The following GNLY variants were observed in gnomAD, a reference collection of about 807,000 sequenced individuals.
The protein encoded by GNLY is T-cell activation protein 519.
A neutral mutation model predicts 18.5 loss-of-function variants in GNLY; 15 were observed. The observed-to-expected ratio is 0.81, with a 90% CI of 0.54 to 1.25. GNLY has a LOEUF of 1.25. Among genes scored for constraint, GNLY ranks in the 50% most tolerant of loss-of-function variants. The probability of loss-of-function intolerance (pLI) is 0.00; values close to 1 mark genes in which losing one functional copy is unlikely to be tolerated. For missense variants in GNLY, 178 were observed against 186.9 expected (o/e 0.95, Z 0.28); for synonymous variants, 77 against 74.9 (o/e 1.03, Z -0.14).
intron 1 of GNLY, chr2:85,694,742 T>G: frequency 7.0e-7 from 1 of 1,437,196 alleles, no homozygotes; most frequent in Non-Finnish European, 9.1e-7. Flanking sequence ...GACCCCCCTT[T>G]CCCTCCCAAG....
intron 4 of GNLY, 46 bp from the exon 5 acceptor site, chr2:85,698,518 A>T (rs769241077): frequency 6.2e-7 from 1 of 1,612,998 alleles, no homozygotes; most frequent in Non-Finnish European, 8.5e-7. Context: ...CTTCTCCTTG[A>T]GGACCCACCA....
At chr2:85,695,656 C>T (rs1678413980) in intron 2 of GNLY, among the ~76,000 whole-genome samples, 1 of 152,160 alleles carries the variant, frequency 6.6e-6, no homozygotes, top group Non-Finnish European at 1.5e-5. Flanking sequence ...GAGCCTGGGG[C>T]TGCAGAACCC....
At position 85,698,573 on chromosome 2, in the gene GNLY, G is replaced by A; in HGVS notation, c.437G>A (p.Ter146=). 6.2e-7 allele frequency: 1 copy of A among 1,613,350 alleles called. No homozygotes were observed. Among genetic ancestry groups the A allele is most frequent in the Non-Finnish European group, 8.5e-7 (1 of 1,179,540 alleles). Residue 146 remains the stop codon, a stop_retained_variant, in exon 5 of 5, where the codon TGA becomes TAA. Coordinates refer to ENST00000263863, the MANE Select transcript of GNLY (RefSeq NM_006433.5). ...GTTCTCTCCTCTCCAGGTCCCCTCTGAGCCCTCTCACCTTGTCCTGTGGAA... is the reference window on the plus strand; with the variant it reads ...GTTCTCTCCTCTCCAGGTCCCCTCTAAGCCCTCTCACCTTGTCCTGTGGAA... ...RLCIPSTGPL[*]
In GNLY at chr2:85,696,013, C is replaced by T. The variant is rs755303248; in HGVS notation, c.212C>T (p.Thr71Met). The change falls in exon 3 of 5, where the codon ACG (threonine) becomes ATG (methionine). Residue 71 changes from threonine to methionine, a missense_variant. Coordinates refer to ENST00000263863, the MANE Select transcript of GNLY (RefSeq NM_006433.5). Reference sequence around the variant, plus strand: ...GGCCGTGACTACAGGACCTGTCTGACGATAGTCCAAAAACTGAAGAAGATG... The same window carrying T: ...GGCCGTGACTACAGGACCTGTCTGATGATAGTCCAAAAACTGAAGAAGATG... ...ELGRDYRTCL[T>M]IVQKLKKMVD... 16 of 1,611,882 alleles carry T rather than the reference C, an allele frequency of 9.9e-6. No individual in the cohort carries two copies. The highest frequency in any genetic ancestry group is 2.7e-5 in the African/African-American group (2 of 74,988).
rs771830676 is a variant in GNLY at position 85,698,717 on chromosome 2, C to T, written c.*143C>T. ...TCCCCTGACTCCCTCTGCTGTCCTC[C>T]CCTCTCACGAGAATAAAGTGTCAAG... is the stretch of plus-strand genomic sequence containing the variant. On this transcript the variant is annotated 3_prime_UTR_variant, in exon 5 of 5. Coordinates refer to ENST00000263863, the MANE Select transcript of GNLY (RefSeq NM_006433.5). The T allele has an allele frequency of 1.3e-6, 2 of 1,574,056 alleles. 1 individual carries two copies. The highest frequency in any genetic ancestry group is 2.3e-5 in the South Asian group (2 of 88,050).
Position 85,694,407 on chromosome 2 carries a change from G to T in GNLY, c.-12G>T. On this transcript the variant is annotated 5_prime_UTR_variant, in exon 1 of 5. Coordinates refer to ENST00000263863, the MANE Select transcript of GNLY (RefSeq NM_006433.5). ...AACAGGGTGTGAAAGGCATCTCAGCGGCTGCCCCACCATGGCTACCTGGGC... is the reference window on the plus strand; with the variant it reads ...AACAGGGTGTGAAAGGCATCTCAGCTGCTGCCCCACCATGGCTACCTGGGC... 1 of 1,613,802 alleles carries T rather than the reference G, an allele frequency of 6.2e-7. No individual in the cohort carries two copies. Among genetic ancestry groups the T allele is most frequent in the Admixed American group, 1.7e-5 (1 of 60,018 alleles).
At position 85,695,381 on chromosome 2, in the gene GNLY, TGAG is replaced by T; in HGVS notation, c.118_120del (p.Glu40del). The T allele has an allele frequency of 6.2e-7, 1 of 1,613,930 alleles. No homozygotes were observed. Among genetic ancestry groups the T allele is most frequent in the Admixed American group, 1.7e-5 (1 of 60,030 alleles). On this transcript the variant is annotated inframe_deletion, in exon 2 of 5. Coordinates refer to ENST00000263863, the MANE Select transcript of GNLY (RefSeq NM_006433.5). Reference sequence around the variant, plus strand: ...ACCTGGCAAGAGCCCACCTGCGTGATGAGGAGAAATCCTGCCCGTGCCTGGCCC... The same window carrying T: ...ACCTGGCAAGAGCCCACCTGCGTGATGAGAAATCCTGCCCGTGCCTGGCCC...
intron 3 of GNLY, chr2:85,697,008 G>A (rs11887686): frequency 0.1 from 16,699 of 161,582 alleles, 990 homozygotes; most frequent in African/African-American, 0.17. Flanking sequence ...CTGCAGGCTC[G>A]CACTTAGCCC....
intron 4 of GNLY, 127 bp downstream of exon 4, chr2:85,697,804 G>A: frequency 1.5e-6 from 1 of 664,436 alleles, no homozygotes; most frequent in Non-Finnish European, 2.6e-6. Context: ...TTGAGCAGAT[G>A]GACTTTAGCT....
rs201773234 is a variant in GNLY, at chr2:85,697,623, G to T, written c.373G>T (p.Gly125Ter). 6.2e-7 allele frequency: 1 copy of T among 1,613,348 alleles called. No homozygotes were observed. The highest frequency in any genetic ancestry group is 8.5e-7 in the Non-Finnish European group (1 of 1,179,396). ...TAGAGTTACCCAGGGCCTCGTGGCC[G>T]GAGAAACTGCCCAGCAGATCTGTGA... ...QSRVTQGLVA[G>*]ETAQQICEDL... The change falls in exon 4 of 5, where the codon GGA becomes TGA. Residue 125 changes from glycine to a stop codon, truncating the protein, a stop_gained. Coordinates refer to ENST00000263863, the MANE Select transcript of GNLY (RefSeq NM_006433.5). LOFTEE classifies it high-confidence loss of function.
rs200200948 is a variant in GNLY at position 85,694,498 on chromosome 2, T to C, written c.52+28T>C. 6.0e-4 allele frequency: 956 copies of C among 1,605,434 alleles called. 2 individuals are homozygous for C. The highest frequency in any genetic ancestry group is 4.3e-3 in the Middle Eastern group (26 of 6,030). ...AAGGCCTTCCCCTCGGGATCGATCC[T>C]GATGGCCCACCCAGCCTCGCACTCT... On this transcript the variant is annotated intron_variant, in intron 1 of 4. Transcript: ENST00000263863.
rs1171866626 is a variant in GNLY, at chr2:85,697,648, AG to A, written c.400del (p.Asp134ThrfsTer99). On this transcript the variant is annotated frameshift_variant, in exon 4 of 5. Coordinates refer to ENST00000263863, the MANE Select transcript of GNLY (RefSeq NM_006433.5). LOFTEE classifies it high-confidence loss of function. ...GGAGAAACTGCCCAGCAGATCTGTG[AG>A]GACCTCAGGTTGTGTATACCTTCTA... ...VAGETAQQIC[E>X]DLRLCIPSTG... The A allele has an allele frequency of 2.5e-6, 4 of 1,613,492 alleles. No homozygotes were observed. The highest frequency in any genetic ancestry group is 2.7e-5 in the African/African-American group (2 of 74,930).
chr2:85,698,440 G>T, intron 4 of GNLY, 124 bp from the exon 5 acceptor site: 1 of 1,538,790 alleles, frequency 6.5e-7, no homozygotes, highest in Non-Finnish European at 8.9e-7. Flanking sequence ...TCCAGGATGT[G>T]CCTCTGGGTG....
intron 1 of GNLY, 165 bp from the exon 2 acceptor site, chr2:85,695,155 C>A: frequency 1.2e-6 from 1 of 854,684 alleles, no homozygotes; most frequent in Non-Finnish European, 1.9e-6. Flanking sequence ...GAGAGTGGGT[C>A]AGAGCGGCTC....
At chr2:85,695,517 C>T (rs986268628) in intron 2 of GNLY, 94 bp downstream of exon 2, 28 of 750,484 alleles carry the variant, frequency 3.7e-5, no homozygotes, top group Non-Finnish European at 5.9e-5. Flanking sequence ...CTCTAATGGT[C>T]AGGAGGTGGG....
chr2:85,696,121 G>A (rs1678440000), intron 3 of GNLY, 65 bp downstream of exon 3: 4 of 956,928 alleles, frequency 4.2e-6, no homozygotes, highest in Non-Finnish European at 6.6e-6. Flanking sequence ...CTGTGACCAG[G>A]TCGGGGATCG....
chr2:85,694,378 A>G lies in GNLY; in HGVS notation c.-41A>G. ...AGATTAAGCTGCAGGCTCCCTGCCC[A>G]TAAAACAGGGTGTGAAAGGCATCTC... On this transcript the variant is annotated 5_prime_UTR_variant, in exon 1 of 5. Transcript: ENST00000263863. 6.3e-7 allele frequency: 1 copy of G among 1,596,882 alleles called. No individual in the cohort carries two copies. The highest frequency in any genetic ancestry group is 8.6e-7 in the Non-Finnish European group (1 of 1,164,602).
In GNLY at chr2:85,698,712, TCCTC is replaced by T; in HGVS notation, c.*141_*144del. ...CTCCCTCCCCTGACTCCCTCTGCTG[TCCTC>T]CCCTCTCACGAGAATAAAGTGTCAA... On this transcript the variant is annotated 3_prime_UTR_variant, in exon 5 of 5. Transcript: ENST00000263863. The T allele has an allele frequency of 6.3e-7, 1 of 1,580,938 alleles. No individual in the cohort carries two copies. Among genetic ancestry groups the T allele is most frequent in the Non-Finnish European group, 8.6e-7 (1 of 1,167,490 alleles).
chr2:85,696,098 T>C (rs1678438276), intron 3 of GNLY, 42 bp downstream of exon 3: 10 of 1,136,512 alleles, frequency 8.8e-6, no homozygotes, highest in Non-Finnish European at 1.2e-5. Context: ...TGCTGCTCAA[T>C]GGAGGGGCCA....
Sources: allele counts gnomAD v4.1 joint callset (sites outside exome capture counted in the v4.1 genomes callset), GRCh38; gene constraint gnomAD v4.1.1; transcripts MANE v1.5; gene names NCBI Gene and HGNC (gene_info 2026-07-23, HGNC 2026-07-21).